The following SLC4A10 variants were observed in gnomAD, a reference collection of about 807,000 sequenced individuals.
SLC4A10 encodes the protein solute carrier family 4 member 10.
Under a neutral mutation model 137.7 loss-of-function variants are expected in SLC4A10, and 42 were observed. The observed-to-expected ratio is 0.30, with a 90% CI of 0.24 to 0.39. The LOEUF (loss-of-function observed/expected upper bound fraction) is 0.39. Among genes scored for constraint, SLC4A10 ranks in the 10% least tolerant of loss-of-function variants. The probability of loss-of-function intolerance (pLI) is 1.00; values close to 1 mark genes in which losing one functional copy is unlikely to be tolerated. For synonymous variants in SLC4A10, 474 were observed against 464.1 expected (o/e 1.02, Z -0.27); for missense variants, 925 against 1,355.0 (o/e 0.68, Z 4.98).
chr2:161,796,320 T>G (rs1233899834), intron 2 of SLC4A10, among the ~76,000 whole-genome samples: 1 of 152,218 alleles, frequency 6.6e-6, no homozygotes. Flanking sequence ...TCTTCTAATG[T>G]GAATCAGCTG....
intron 3 of SLC4A10, among the ~76,000 whole-genome samples, chr2:161,818,203 T>G (rs150552657): frequency 0.066 from 10,022 of 152,044 alleles, 433 homozygotes; most frequent in East Asian, 0.15. Flanking sequence ...CGCATCCCTT[T>G]TAAGTTGGAG....
intron 1 of SLC4A10, among the ~76,000 whole-genome samples, chr2:161,673,272 A>G (rs750835648): frequency 2.0e-5 from 3 of 152,196 alleles, no homozygotes; most frequent in Admixed American, 6.6e-5. Flanking sequence ...AAGTCACACA[A>G]TGCATTCACT....
rs576908954 is a variant in SLC4A10 at position 161,972,132 on chromosome 2, T to A, written c.3160-2117T>A. 2.0e-5 allele frequency among the ~76,000 whole-genome samples: 3 copies of A among 152,306 alleles called. No individual in the cohort carries two copies. The South Asian group carries it at 6.2e-4, about 32-fold the overall frequency. ...TGCTTCTTGACATTTTACTCTTGAT[T>A]GGCCAGAAATGATATCATATACCAG... On this transcript the variant is annotated intron_variant, in intron 23 of 26. Coordinates refer to ENST00000446997, the MANE Select transcript of SLC4A10 (RefSeq NM_001178015.2).
Position 161,746,747 on chromosome 2 carries a change from C to T in SLC4A10, c.49-24226C>T, listed in dbSNP as rs534906058. The stretch of plus-strand genomic sequence containing the variant: ...TGCCTAAGGCCTAAGGAAACTGCCA[C>T]CTGGCTTCTGCTGTTGTTTATTCAA... On this transcript the variant is annotated intron_variant, in intron 1 of 26. Coordinates refer to ENST00000446997, the MANE Select transcript of SLC4A10 (RefSeq NM_001178015.2). 2.6e-5 allele frequency among the ~76,000 whole-genome samples: 4 copies of T among 152,204 alleles called. No individual in the cohort carries two copies. The South Asian group carries it at 8.3e-4, about 32-fold the overall frequency.
chr2:161,946,933 T>C (rs1017681116), intron 16 of SLC4A10, among the ~76,000 whole-genome samples: 4 of 152,110 alleles, frequency 2.6e-5, no homozygotes, highest in African/African-American at 9.7e-5. Context: ...GTCATAGTTT[T>C]CTTGTTGCCT....
At chr2:161,660,566 TTCTTTCTTTC>T in intron 1 of SLC4A10, among the ~76,000 whole-genome samples, 1 of 107,256 alleles carries the variant, frequency 9.3e-6, no homozygotes, top group South Asian at 2.8e-4. Flanking sequence ...ATTTCTTTCT[TTCTTTCTTTC>T]TTTCTTTCTT....
At chr2:161,802,520 T>C in intron 2 of SLC4A10, among the ~76,000 whole-genome samples, 1 of 152,234 alleles carries the variant, frequency 6.6e-6, no homozygotes, top group Non-Finnish European at 1.5e-5. Flanking sequence ...CATTGGATAT[T>C]TTAGAAATCT....
chr2:161,906,980 C>T (rs1321451542), intron 15 of SLC4A10, among the ~76,000 whole-genome samples: 22 of 143,860 alleles, frequency 1.5e-4, no homozygotes, highest in South Asian at 2.2e-4. Context: ...GGCGTGAACC[C>T]GGGAGGCGGA....
intron 23 of SLC4A10, among the ~76,000 whole-genome samples, chr2:161,970,719 A>G (rs1698376915): frequency 6.6e-6 from 1 of 152,256 alleles, no homozygotes; most frequent in Non-Finnish European, 1.5e-5. Flanking sequence ...ATTTCACTAA[A>G]GGTAATTAAA....
At position 161,942,803 on chromosome 2, in the gene SLC4A10, T is replaced by C; in HGVS notation, c.2009T>C (p.Val670Ala). 1 of 1,602,496 alleles carries C rather than the reference T, an allele frequency of 6.2e-7. No homozygotes were observed. The highest frequency in any genetic ancestry group is 8.5e-7 in the Non-Finnish European group (1 of 1,174,136). The part of the protein sequence containing the change: ...ELLTQYSCNC[V>A]EPHNPSNGTL... ...TTTTGCCTTTTCAGGTGTAACTGTG[T>C]GGAACCGCATAATCCCAGCAATGGC... The change falls in exon 16 of 27, where the codon GTG becomes GCG. Residue 670 changes from valine to alanine, a missense_variant. Coordinates refer to ENST00000446997, the MANE Select transcript of SLC4A10 (RefSeq NM_001178015.2).
chr2:161,883,095 T>A, intron 10 of SLC4A10, among the ~76,000 whole-genome samples: 1 of 152,100 alleles, frequency 6.6e-6, no homozygotes, highest in Non-Finnish European at 1.5e-5. Context: ...AGTAGCATCA[T>A]ACCACTATTT....
At chr2:161,699,875 G>A (rs2124995938) in intron 1 of SLC4A10, among the ~76,000 whole-genome samples, 1 of 152,212 alleles carries the variant, frequency 6.6e-6, no homozygotes, top group South Asian at 2.1e-4. Flanking sequence ...TGGATTTGAG[G>A]CACTATGAAT....
intron 1 of SLC4A10, among the ~76,000 whole-genome samples, chr2:161,753,853 G>GGGTT: frequency 7.8e-6 from 1 of 128,052 alleles, no homozygotes; most frequent in East Asian, 2.3e-4. Flanking sequence ...TAAATAACTC[G>GGGTT]AGTTATTTAT....
chr2:161,836,069 G>A (rs2058748861), intron 3 of SLC4A10, among the ~76,000 whole-genome samples: 1 of 152,202 alleles, frequency 6.6e-6, no homozygotes, highest in Non-Finnish European at 1.5e-5. Context: ...CGTATTTATG[G>A]GAAAATTAGT....
At chr2:161,776,340 C>G (rs568580348) in intron 2 of SLC4A10, among the ~76,000 whole-genome samples, 1 of 152,012 alleles carries the variant, frequency 6.6e-6, no homozygotes, top group Non-Finnish European at 1.5e-5. Flanking sequence ...TTGAAACTTG[C>G]TATACAAACA....
chr2:161,758,394 T>C (rs559335756), intron 1 of SLC4A10, among the ~76,000 whole-genome samples: 1 of 152,058 alleles, frequency 6.6e-6, no homozygotes, highest in South Asian at 2.1e-4. Context: ...TTTATTTATC[T>C]CCCTCCTTAT....
intron 21 of SLC4A10, 21 bp from the exon 22 acceptor site, chr2:161,964,114 T>A: frequency 6.4e-7 from 1 of 1,563,686 alleles, no homozygotes; most frequent in Non-Finnish European, 8.7e-7. Context: ...TAAAAACAAT[T>A]TAGTCTGTTT....
chr2:161,643,372 C>T (rs2035573998), intron 1 of SLC4A10, among the ~76,000 whole-genome samples: 1 of 151,944 alleles, frequency 6.6e-6, no homozygotes. Context: ...ACATACATTC[C>T]CTATAAATAG....
chr2:161,891,160 A>G (rs574283188), intron 10 of SLC4A10, among the ~76,000 whole-genome samples: 1 of 152,126 alleles, frequency 6.6e-6, no homozygotes, highest in African/African-American at 2.4e-5. Flanking sequence ...CTGCAGAGAG[A>G]TCCACTGTTA....
Sources: allele counts gnomAD v4.1 joint callset (sites outside exome capture counted in the v4.1 genomes callset), GRCh38; gene constraint gnomAD v4.1.1; transcripts MANE v1.5; gene names NCBI Gene and HGNC (gene_info 2026-07-23, HGNC 2026-07-21).